Variants in SDK2 observed in about 807,000 individuals in gnomAD.
The protein encoded by SDK2 is sidekick cell adhesion molecule 2, also known as protein sidekick-2.
Under a neutral mutation model 253.9 loss-of-function variants are expected in SDK2, and 105 were observed. The observed-to-expected ratio is 0.41, with a 90% CI of 0.35 to 0.49. The LOEUF (loss-of-function observed/expected upper bound fraction) is 0.49. SDK2 is among the 20% of genes least tolerant of loss of function. The probability of loss-of-function intolerance (pLI) is 0.06; values close to 1 mark genes in which losing one functional copy is unlikely to be tolerated. For synonymous variants in SDK2, 1,249 were observed against 1,234.9 expected (o/e 1.01, Z -0.24); for missense variants, 2,608 against 3,003.0 (o/e 0.87, Z 3.07).
At chr17:73,346,303 G>A (rs926497265) in intron 44 of SDK2, among the ~76,000 whole-genome samples, 1 of 152,140 alleles carries the variant, frequency 6.6e-6, no homozygotes, top group Non-Finnish European at 1.5e-5. Context: ...ACTTGAAGAG[G>A]CTGTCCATGA....
intron 2 of SDK2, among the ~76,000 whole-genome samples, chr17:73,485,303 A>C (rs149186636): frequency 6.6e-6 from 1 of 152,034 alleles, no homozygotes; most frequent in Non-Finnish European, 1.5e-5. Flanking sequence ...GAAAAGGAGG[A>C]GGTGCTGTCC....
chr17:73,368,090 AAGGCAGGGAGCAGAAGT>A (rs2062700768), intron 37 of SDK2, among the ~76,000 whole-genome samples: 1 of 152,120 alleles, frequency 6.6e-6, no homozygotes, highest in South Asian at 2.1e-4. Flanking sequence ...AGGTGGGAAG[AAGGCAGGGAGCAGAAGT>A]AGGCTGGCTG....
chr17:73,375,388 T>G (rs762577511), intron 36 of SDK2, among the ~76,000 whole-genome samples: 45 of 151,982 alleles, frequency 3.0e-4, no homozygotes, highest in East Asian at 7.8e-4. Flanking sequence ...TACAGGCATG[T>G]GCCACCACAC....
intron 1 of SDK2, among the ~76,000 whole-genome samples, chr17:73,569,478 G>C (rs61185600): frequency 6.6e-6 from 1 of 151,776 alleles, no homozygotes; most frequent in Non-Finnish European, 1.5e-5. Flanking sequence ...GATTACAGGC[G>C]TGAGGCACCG....
In SDK2 at chr17:73,395,228, G is replaced by C. The variant is rs529292037; in HGVS notation, c.3519C>G (p.Val1173=). 4 of 1,613,210 alleles carry C rather than the reference G, an allele frequency of 2.5e-6. No individual in the cohort carries two copies. The highest frequency in any genetic ancestry group is 1.3e-5 in the African/African-American group (1 of 75,004). ...EDLEEWTEYR[V]QVQAFNAIGS... ...CGATGGCGTTGAAGGCCTGGACCTG[G>C]ACGCGGTACTCTGTCCACTCCTCCA... Residue 1173 remains valine, a synonymous_variant, in exon 25 of 45, where the codon GTC becomes GTG. Transcript: ENST00000392650. This position sits in a 1 kb window ranked among gnomAD's most constrained non-coding sequence, Gnocchi z 4.3.
At chr17:73,523,584 A>G (rs1383543717) in intron 1 of SDK2, among the ~76,000 whole-genome samples, 1 of 152,036 alleles carries the variant, frequency 6.6e-6, no homozygotes, top group Non-Finnish European at 1.5e-5. Flanking sequence ...AATCGCTAGC[A>G]GCCCCAGAAA....
chr17:73,487,253 G>T (rs569301151), intron 2 of SDK2, among the ~76,000 whole-genome samples: 1 of 152,240 alleles, frequency 6.6e-6, no homozygotes, highest in East Asian at 1.9e-4. Flanking sequence ...ACTTTGTACA[G>T]GTGCTATCTA....
Position 73,546,486 on chromosome 17 carries a change from C to T in SDK2, c.65-38889G>A, listed in dbSNP as rs553877721. Among the ~76,000 whole-genome samples, 82 of 152,330 alleles carry T rather than the reference C, an allele frequency of 5.4e-4. 1 individual carries two copies. The South Asian group carries it at 0.016, about 30-fold the overall frequency. Reference sequence around the variant, plus strand: ...AGCCTTGGCCAGAGAAGGGAAGGGCCCCCACCCCCAGTCACTAGGCAGGCC... The same window carrying T: ...AGCCTTGGCCAGAGAAGGGAAGGGCTCCCACCCCCAGTCACTAGGCAGGCC... On this transcript the variant is annotated intron_variant, in intron 1 of 44. Transcript: ENST00000392650.
chr17:73,370,309 C>G (rs2062723935), intron 36 of SDK2, among the ~76,000 whole-genome samples: 1 of 152,164 alleles, frequency 6.6e-6, no homozygotes, highest in African/African-American at 2.4e-5. Flanking sequence ...GTGGCACGAT[C>G]ACAGCTCACT....
chr17:73,395,708 G>A lies in SDK2; in HGVS notation c.3355-316C>T, dbSNP rs1008404586. On this transcript the variant is annotated intron_variant, in intron 24 of 44. Coordinates refer to ENST00000392650, the MANE Select transcript of SDK2 (RefSeq NM_001144952.2). The surrounding 1 kb of genome is among the most constrained non-coding windows in gnomAD (Gnocchi z 4.3). ...GTGTGTCTGACACACCGATAGCACC[G>A]CCACCTTTGGCTCTGCTGTCTCTGC... 1.3e-5 allele frequency among the ~76,000 whole-genome samples: 2 copies of A among 152,284 alleles called. No individual in the cohort carries two copies. The highest frequency in any genetic ancestry group is 1.9e-4 in the East Asian group (1 of 5,186).
chr17:73,392,966 C>T (rs976165477), intron 27 of SDK2, among the ~76,000 whole-genome samples: 12 of 151,946 alleles, frequency 7.9e-5, no homozygotes, highest in African/African-American at 2.2e-4. Context: ...TAAAACTGGC[C>T]GGGTGCAGTG....
In SDK2 at chr17:73,616,504, T is replaced by C. The variant is rs896975298; in HGVS notation, c.64+27521A>G. ...GCCTGAGCACGCATTTGTCTTTGTT[T>C]GGTTTGTTGCTTTGGTTTGTTTCGT... On this transcript the variant is annotated intron_variant, in intron 1 of 44. Coordinates refer to ENST00000392650, the MANE Select transcript of SDK2 (RefSeq NM_001144952.2). This position sits in a 1 kb window ranked among gnomAD's most constrained non-coding sequence, Gnocchi z 5.2. Among the ~76,000 whole-genome samples the C allele has an allele frequency of 6.6e-6, 1 of 152,202 alleles. No individual in the cohort carries two copies. Among genetic ancestry groups the C allele is most frequent in the Non-Finnish European group, 1.5e-5 (1 of 68,038 alleles).
At chr17:73,486,744 G>A (rs573086167) in intron 2 of SDK2, among the ~76,000 whole-genome samples, 154 of 152,188 alleles carry the variant, frequency 1.0e-3, no homozygotes, top group Middle Eastern at 3.4e-3. Flanking sequence ...TGGTAGGGCA[G>A]AGTTAACTGA....
At chr17:73,396,735 C>G (rs12603487) in intron 24 of SDK2, among the ~76,000 whole-genome samples, 151,426 of 152,328 alleles carry the variant, frequency 0.99, 75,280 homozygotes, top group Middle Eastern at 1. Context: ...CCCTGCCCTC[C>G]GCATCAGGCT....
chr17:73,570,502 C>T lies in SDK2; in HGVS notation c.65-62905G>A, dbSNP rs912606239. Reference sequence around the variant, plus strand: ...AAAAATCAAAAAGAGGGGGACCCACCCAGCACCCCTCTTGTGATGATGGCG... The same window carrying T: ...AAAAATCAAAAAGAGGGGGACCCACTCAGCACCCCTCTTGTGATGATGGCG... On this transcript the variant is annotated intron_variant, in intron 1 of 44. Transcript: ENST00000392650. This position sits in a 1 kb window ranked among gnomAD's most constrained non-coding sequence, Gnocchi z 4.2. 1.3e-4 allele frequency among the ~76,000 whole-genome samples: 20 copies of T among 152,218 alleles called. No homozygotes were observed. The highest frequency in any genetic ancestry group is 4.6e-4 in the African/African-American group (19 of 41,530).
chr17:73,601,943 C>T (rs944818452), intron 1 of SDK2, among the ~76,000 whole-genome samples: 1 of 152,178 alleles, frequency 6.6e-6, no homozygotes, highest in Non-Finnish European at 1.5e-5. Flanking sequence ...GGGATTTTGC[C>T]ATGTTGGCCA....
At position 73,334,648 on chromosome 17, in the gene SDK2, T is replaced by C. The variant is rs761155382; in HGVS notation, c.*3939A>G. 6.6e-6 allele frequency: 1 copy of C among 152,294 alleles called. No homozygotes were observed. Among genetic ancestry groups the C allele is most frequent in the South Asian group, 2.1e-4 (1 of 4,830 alleles). 9.4% of individuals were successfully genotyped at this position (152,294 alleles called of 1,614,324 possible). On this transcript the variant is annotated 3_prime_UTR_variant, in exon 45 of 45. Transcript: ENST00000392650. The stretch of plus-strand genomic sequence containing the variant: ...TTTTTGTTTCTGGAGTCTAGATGGA[T>C]GGAGAAAGGTAACACGTTTAAATGC...
intron 39 of SDK2, among the ~76,000 whole-genome samples, chr17:73,358,722 T>C (rs368723637): frequency 6.6e-6 from 1 of 151,984 alleles, no homozygotes; most frequent in East Asian, 1.9e-4. Context: ...TGATATGATG[T>C]CCGCCCTCCC....
rs1473513405 is a variant in SDK2 at position 73,507,444 on chromosome 17, T to A, written c.218A>T (p.Glu73Val). 5 of 1,550,816 alleles carry A rather than the reference T, an allele frequency of 3.2e-6. No homozygotes were observed. In the South Asian group the frequency reaches 6.0e-5, roughly 18 times the overall value. Residue 73 changes from glutamate (E) to valine (V), a missense_variant, in exon 2 of 45, where the codon GAA becomes GTA. By Grantham distance (121) the Glu-to-Val change is moderately radical (BLOSUM62 -2). Transcript: ENST00000392650. ...NNRELTKFSL[E>V]YRYMITSLDR... ...GCGGGGAGGGGCAGTTTACCTGTAT[T>A]CCAGGGAGAACTTGGTCAGCTCCCT...
Sources: gnomAD v4.1 joint callset for allele counts (sites outside exome capture counted in the v4.1 genomes callset) on GRCh38, gnomAD v4.1.1 for gene constraint, Gnocchi (gnomAD v3.1) non-coding constraint, MANE v1.5 for transcripts, NCBI Gene and HGNC (gene_info 2026-07-23, HGNC 2026-07-21) for gene names.